FAF2: variants seen among roughly 807,000 people sequenced by gnomAD.
The protein encoded by FAF2 is FAS-associated factor 2.
A neutral mutation model predicts 62.3 loss-of-function variants in FAF2; 9 were observed. That is an observed-to-expected ratio of 0.14 (90% CI 0.09 to 0.25). The LOEUF (loss-of-function observed/expected upper bound fraction) is 0.25. Among genes scored for constraint, FAF2 ranks in the 10% least tolerant of loss-of-function variants. The pLI is 1.00. For missense variants in FAF2, 368 were observed against 556.2 expected (o/e 0.66, Z 3.40); for synonymous variants, 202 against 198.0 (o/e 1.02, Z -0.17).
At chr5:176,483,256 G>A (rs953058642) in intron 2 of FAF2, among the ~76,000 whole-genome samples, 4 of 152,002 alleles carry the variant, frequency 2.6e-5, no homozygotes, top group East Asian at 1.9e-4. Context: ...AAAGTTTTTC[G>A]TTTTGATGAA....
At chr5:176,453,178 A>T (rs1425859101) in intron 1 of FAF2, 1 of 152,200 alleles carries the variant, frequency 6.6e-6, no homozygotes, top group Non-Finnish European at 1.5e-5. Flanking sequence ...GTTTTCAGCT[A>T]TTTCAGATGG....
rs1755749028 is a variant in FAF2, at chr5:176,509,904, G to A, written c.*2954G>A. On this transcript the variant is annotated 3_prime_UTR_variant, in exon 11 of 11. Coordinates refer to ENST00000261942, the MANE Select transcript of FAF2 (RefSeq NM_014613.3). Reference sequence around the variant, plus strand: ...CAACTGGTTTTTTTAGGACTTGTGAGGAACACAGCAACGGAAATCCATCCA... The same window carrying A: ...CAACTGGTTTTTTTAGGACTTGTGAAGAACACAGCAACGGAAATCCATCCA... The A allele has an allele frequency of 6.6e-6, 1 of 152,632 alleles. No individual in the cohort carries two copies. The highest frequency in any genetic ancestry group is 2.1e-4 in the South Asian group (1 of 4,834). The allele number at this position is 152,632 out of a possible 1,614,324, so 9.5% of individuals were successfully genotyped here.
intron 1 of FAF2, among the ~76,000 whole-genome samples, chr5:176,466,039 G>A (rs945502277): frequency 1.8e-4 from 27 of 152,178 alleles, no homozygotes; most frequent in South Asian, 4.1e-4. Flanking sequence ...ATGAAAATAA[G>A]GGTTTCAATA....
At chr5:176,449,797 A>G (rs1012846869) in intron 1 of FAF2, among the ~76,000 whole-genome samples, 1 of 152,216 alleles carries the variant, frequency 6.6e-6, no homozygotes, top group Non-Finnish European at 1.5e-5. Flanking sequence ...CAGCGCTGCT[A>G]GGTAGAATCC....
At chr5:176,504,868 TAA>T (rs1336638667) in intron 10 of FAF2, among the ~76,000 whole-genome samples, 4 of 151,818 alleles carry the variant, frequency 2.6e-5, no homozygotes, top group African/African-American at 9.7e-5. Flanking sequence ...CAAAAAATTT[TAA>T]AAGTTAACCA....
chr5:176,486,767 ACTTAAT>A (rs1289020335), intron 3 of FAF2, among the ~76,000 whole-genome samples: 2 of 152,014 alleles, frequency 1.3e-5, no homozygotes, highest in African/African-American at 2.4e-5. Flanking sequence ...GCTTCAGTTT[ACTTAAT>A]CTTAAACCAG....
At chr5:176,478,248 A>C (rs1758735720) in intron 1 of FAF2, among the ~76,000 whole-genome samples, 2 of 152,178 alleles carry the variant, frequency 1.3e-5, no homozygotes. Context: ...AGGCCAAGGC[A>C]AGAGGATTGC....
intron 2 of FAF2, among the ~76,000 whole-genome samples, chr5:176,480,239 T>C (rs1242485047): frequency 2.6e-5 from 4 of 152,274 alleles, no homozygotes; most frequent in Admixed American, 6.5e-5. Flanking sequence ...ACTGTTTTAA[T>C]TATTATATGC....
At chr5:176,492,061 G>T in intron 4 of FAF2, 133 bp from the exon 5 acceptor site, 1 of 937,794 alleles carries the variant, frequency 1.1e-6, no homozygotes, top group South Asian at 1.4e-5. Context: ...GGATTTGATG[G>T]TCCACTCACA....
chr5:176,448,416 G>T lies in FAF2; in HGVS notation c.9G>T (p.Ala3=), dbSNP rs761596196. 1.2e-6 allele frequency: 2 copies of T among 1,606,354 alleles called. No individual in the cohort carries two copies. Among genetic ancestry groups the T allele is most frequent in the East Asian group, 2.2e-5 (1 of 44,596 alleles). ...GTAGAGGCGGCGGCAAAATGGCGGC[G>T]CCTGAGGAGCGGGATCTAACCCAGG... MA[A]PEERDLTQEQ... is the part of the protein sequence containing the mutation. Residue 3 remains alanine, a synonymous_variant, in exon 1 of 11, where the codon GCG becomes GCT. Transcript: ENST00000261942.
chr5:176,488,538 C>T (rs949257209), intron 3 of FAF2, among the ~76,000 whole-genome samples: 1 of 152,120 alleles, frequency 6.6e-6, no homozygotes, highest in Non-Finnish European at 1.5e-5. Context: ...TTTCCTGCCT[C>T]AGCCTCCCTG....
intron 1 of FAF2, among the ~76,000 whole-genome samples, chr5:176,460,767 A>G (rs1451539391): frequency 3.9e-5 from 6 of 152,046 alleles, no homozygotes; most frequent in Non-Finnish European, 8.8e-5. Flanking sequence ...CCTGGGCAAC[A>G]TTGCAAGACC....
In FAF2 at chr5:176,469,961, A is replaced by T. The variant is rs571723994; in HGVS notation, c.64-9227A>T. 2.0e-5 allele frequency among the ~76,000 whole-genome samples: 3 copies of T among 152,284 alleles called. No individual in the cohort carries two copies. In the South Asian group the frequency reaches 6.2e-4, roughly 32 times the overall value. On this transcript the variant is annotated intron_variant, in intron 1 of 10. Transcript: ENST00000261942. The stretch of plus-strand genomic sequence containing the variant: ...CTCAAACCTTGACTTGTATGTAGTG[A>T]TGTGAGAGGGTGGGGTGGAAAAGTT...
rs199691271 is a variant in FAF2 at position 176,507,526 on chromosome 5, A to AT, written c.*583dup. The stretch of plus-strand genomic sequence containing the variant: ...GAGGCTGACATAGGTATATATATAT[A>AT]TTTTTTTCCTTTATTTGATAAAGAG... On this transcript the variant is annotated 3_prime_UTR_variant, in exon 11 of 11. Transcript: ENST00000261942. 1,127 of 166,324 alleles carry AT rather than the reference A, an allele frequency of 6.8e-3. 15 individuals are homozygous for AT. Among genetic ancestry groups the AT allele is most frequent in the African/African-American group, 0.025 (1,047 of 41,604 alleles). The allele number at this position is 166,324 out of a possible 1,614,324, so 10.3% of individuals were successfully genotyped here.
intron 4 of FAF2, among the ~76,000 whole-genome samples, chr5:176,490,769 CTGTT>C (rs1758959004): frequency 6.6e-6 from 1 of 151,956 alleles, no homozygotes; most frequent in Admixed American, 6.6e-5. Context: ...GTTGACATCT[CTGTT>C]TTTTTCTAAA....
At chr5:176,499,197 GAAAA>G (rs963343287) in intron 9 of FAF2, 112 bp downstream of exon 9, 1 of 759,340 alleles carries the variant, frequency 1.3e-6, no homozygotes, top group Non-Finnish European at 1.7e-6. Context: ...GACTAAGAGG[GAAAA>G]AAAAAAAGGA....
chr5:176,451,875 C>CATATAT (rs1220261982), intron 1 of FAF2, among the ~76,000 whole-genome samples: 16 of 24,112 alleles, frequency 6.6e-4, no homozygotes, highest in South Asian at 3.2e-3. Flanking sequence ...TATATACACA[C>CATATAT]ATATATATAT....
At chr5:176,489,283 G>T (rs1581070749) in intron 4 of FAF2, among the ~76,000 whole-genome samples, 1 of 108,414 alleles carries the variant, frequency 9.2e-6, no homozygotes, top group African/African-American at 3.4e-5. Flanking sequence ...ATATTTATTT[G>T]TCTCCCCCTC....
intron 2 of FAF2, among the ~76,000 whole-genome samples, chr5:176,481,653 T>C (rs1758786050): frequency 6.6e-6 from 1 of 150,474 alleles, no homozygotes; most frequent in African/African-American, 2.4e-5. Context: ...TGAGACTCTG[T>C]CTCAAAAAAA....
Sources: gnomAD v4.1 joint callset for allele counts (sites outside exome capture counted in the v4.1 genomes callset) on GRCh38, gnomAD v4.1.1 for gene constraint, MANE v1.5 for transcripts, NCBI Gene and HGNC (gene_info 2026-07-23, HGNC 2026-07-21) for gene names.